The following PRDM15 variants were observed in gnomAD, a reference collection of about 807,000 sequenced individuals.
PRDM15 encodes the protein PR domain zinc finger protein 15.
A neutral mutation model predicts 128.6 loss-of-function variants in PRDM15; 64 were observed. The ratio of observed to expected loss-of-function variants is 0.50; its 90% CI spans 0.41 to 0.61. PRDM15 has a LOEUF of 0.61. PRDM15 is among the 20% of genes least tolerant of loss of function. The pLI is 0.00. For missense variants in PRDM15, 1,242 were observed against 1,569.1 expected, an observed-to-expected ratio of 0.79 and a Z score of 3.52; for synonymous variants, 615 against 621.8, an observed-to-expected ratio of 0.99 and a Z score of 0.16.
At position 41,879,180 on chromosome 21, in the gene PRDM15, G is replaced by A. The variant is rs1424207284; in HGVS notation, c.-10+90C>T. On this transcript the variant is annotated intron_variant, in intron 1 of 23. Transcript: ENST00000398548. This position sits in a 1 kb window ranked among gnomAD's most constrained non-coding sequence, Gnocchi z 5.1. ...GGGCGGGGGGCAGCGGGCCCAGGGCGCGCCGGGGCTCGCGGGGGCAGCGGG... is the reference window on the plus strand; with the variant it reads ...GGGCGGGGGGCAGCGGGCCCAGGGCACGCCGGGGCTCGCGGGGGCAGCGGG... 14 of 846,412 alleles carry A rather than the reference G, an allele frequency of 1.7e-5. No individual in the cohort carries two copies. The highest frequency in any genetic ancestry group is 1.8e-5 in the Non-Finnish European group (13 of 704,388). The allele number at this position is 846,412 out of a possible 1,614,324, so 52.4% of individuals were successfully genotyped here.
chr21:41,852,740 G>A (rs933425512), intron 5 of PRDM15, among the ~76,000 whole-genome samples: 5 of 152,188 alleles, frequency 3.3e-5, no homozygotes, highest in Admixed American at 2.0e-4. Context: ...ACCCTCCCCA[G>A]CAGCATCCCC....
At chr21:41,866,657 T>C (rs1442264158) in intron 1 of PRDM15, among the ~76,000 whole-genome samples, 1 of 152,256 alleles carries the variant, frequency 6.6e-6, no homozygotes, top group Non-Finnish European at 1.5e-5. Context: ...AAGACCATCT[T>C]ATCAGCTCAA....
intron 2 of PRDM15, 90 bp downstream of exon 2, chr21:41,860,237 G>T: frequency 1.1e-6 from 1 of 919,720 alleles, no homozygotes; most frequent in Non-Finnish European, 1.7e-6. Flanking sequence ...ATGTAGACGT[G>T]GCTTTGCCCA....
chr21:41,855,653 T>A (rs751340147), intron 4 of PRDM15, among the ~76,000 whole-genome samples: 3 of 152,128 alleles, frequency 2.0e-5, no homozygotes, highest in Non-Finnish European at 4.4e-5. Context: ...TGAACGCTGG[T>A]GCATGCACTG....
chr21:41,808,802 G>T (rs769224530), intron 21 of PRDM15, among the ~76,000 whole-genome samples: 1 of 152,232 alleles, frequency 6.6e-6, no homozygotes, highest in Non-Finnish European at 1.5e-5. Flanking sequence ...GTGTAAGCAT[G>T]TGTGTCAGGC....
chr21:41,836,576 G>A lies in PRDM15; in HGVS notation c.1075C>T (p.Arg359Cys), dbSNP rs199833702. The A allele has an allele frequency of 3.5e-5, 57 of 1,613,314 alleles. No individual in the cohort carries two copies. Among genetic ancestry groups the A allele is most frequent in the African/African-American group, 4.0e-5 (3 of 74,740 alleles). The stretch of plus-strand genomic sequence containing the variant: ...TCCCCGAGCTGTTTGATGAGCTTGC[G>A]CCGGATGCCGTGTCTGCTTGAGAGA... ...LILSSRHGIR[R>C]KLIKQLGEHK... The change falls in exon 9 of 24, where the codon CGC becomes TGC. Residue 359 changes from arginine to cysteine, a missense_variant. Arg to Cys is a radical substitution (Grantham distance 180, BLOSUM62 -3). Around this residue, in one of 3 missense-constraint regions of PRDM15, gnomAD observed 612 missense variants for 717.0 expected, o/e 0.85. Coordinates refer to ENST00000398548, the MANE Select transcript of PRDM15 (RefSeq NM_001040424.3).
rs2061360973 is a variant in PRDM15 at position 41,799,100 on chromosome 21, A to T, written c.*2140T>A. ...GCGGTCTTACTCTAGGCACTAAAAC[A>T]ACTTCTTTAAAAAAATAAAATTGTG... On this transcript the variant is annotated 3_prime_UTR_variant, in exon 24 of 24. Transcript: ENST00000398548. 6.6e-6 allele frequency: 1 copy of T among 152,204 alleles called. No homozygotes were observed. The allele number at this position is 152,204 out of a possible 1,614,324, so 9.4% of individuals were successfully genotyped here.
chr21:41,869,760 G>A (rs1249199087), intron 1 of PRDM15, among the ~76,000 whole-genome samples: 1 of 152,214 alleles, frequency 6.6e-6, no homozygotes, highest in Non-Finnish European at 1.5e-5. Context: ...AGTCTTATAA[G>A]TATACATCTT....
rs573672122 is a variant in PRDM15 at position 41,805,658 on chromosome 21, C to A, written c.2653-1044G>T. Among the ~76,000 whole-genome samples the A allele has an allele frequency of 3.3e-5, 5 of 152,138 alleles. No homozygotes were observed. In the East Asian group the frequency reaches 9.6e-4, roughly 29 times the overall value. ...CTATACTGTGACACTCGCAAAGGACCCTGAGCAAAAGCAACCAGACTGCTG... is the reference window on the plus strand; with the variant it reads ...CTATACTGTGACACTCGCAAAGGACACTGAGCAAAAGCAACCAGACTGCTG... On this transcript the variant is annotated intron_variant, in intron 21 of 23. Transcript: ENST00000398548.
Position 41,862,126 on chromosome 21 carries a change from C to A in PRDM15, c.-9-1754G>T, listed in dbSNP as rs967051386. 9.6e-6 allele frequency: 7 copies of A among 728,922 alleles called. No homozygotes were observed. The highest frequency in any genetic ancestry group is 2.7e-5 in the East Asian group (1 of 36,974). The allele number at this position is 728,922 out of a possible 1,614,324, so 45.2% of individuals were successfully genotyped here. ...GAAACCCAGAGTGGGGTGGGGAGGG[C>A]GCACGCTTTCATGAGTTGCTGCTGT... is the stretch of plus-strand genomic sequence containing the variant. On this transcript the variant is annotated intron_variant, in intron 1 of 23. Coordinates refer to ENST00000398548, the MANE Select transcript of PRDM15 (RefSeq NM_001040424.3). This position sits in a 1 kb window ranked among gnomAD's most constrained non-coding sequence, Gnocchi z 4.1.
chr21:41,804,660 T>A, intron 21 of PRDM15, 46 bp from the exon 22 acceptor site: 1 of 1,463,834 alleles, frequency 6.8e-7, no homozygotes, highest in Non-Finnish European at 9.1e-7. Flanking sequence ...GTGCTGCTGA[T>A]GCAGGTGGGA....
chr21:41,836,583 G>A lies in PRDM15; in HGVS notation c.1068C>T (p.Gly356=), dbSNP rs1319935467. 1 of 1,613,464 alleles carries A rather than the reference G, an allele frequency of 6.2e-7. No homozygotes were observed. The highest frequency in any genetic ancestry group is 1.1e-5 in the South Asian group (1 of 91,058). Residue 356 remains glycine, a synonymous_variant, in exon 9 of 24, where the codon GGC becomes GGT. Coordinates refer to ENST00000398548, the MANE Select transcript of PRDM15 (RefSeq NM_001040424.3). The part of the protein sequence containing the change: ...KRSLILSSRH[G]IRRKLIKQLG... ...GCTGTTTGATGAGCTTGCGCCGGAT[G>A]CCGTGTCTGCTTGAGAGAATTAAGC...
rs544503187 is a variant in PRDM15 at position 41,803,736 on chromosome 21, G to C, written c.2733+798C>G. ...GGCTGGAGCCGCCGTACGTCACTCAGCCGGACCCAGTGCCCTTCATGAAGA... is the reference window on the plus strand; with the variant it reads ...GGCTGGAGCCGCCGTACGTCACTCACCCGGACCCAGTGCCCTTCATGAAGA... On this transcript the variant is annotated intron_variant, in intron 22 of 23. Coordinates refer to ENST00000398548, the MANE Select transcript of PRDM15 (RefSeq NM_001040424.3). Among the ~76,000 whole-genome samples the C allele has an allele frequency of 3.3e-5, 5 of 152,286 alleles. No individual in the cohort carries two copies. The East Asian group carries it at 9.6e-4, about 29-fold the overall frequency.
chr21:41,843,580 C>T lies in PRDM15; in HGVS notation c.640+3510G>A, dbSNP rs2063140481. Among the ~76,000 whole-genome samples the T allele has an allele frequency of 2.0e-5, 3 of 152,230 alleles. No homozygotes were observed. The South Asian group carries it at 6.2e-4, about 31-fold the overall frequency. ...AACACTCCTTTCCCAAACTCTCCTG[C>T]CCTGAATGCAGGTTTGTGCCATAGC... On this transcript the variant is annotated intron_variant, in intron 6 of 23. Coordinates refer to ENST00000398548, the MANE Select transcript of PRDM15 (RefSeq NM_001040424.3).
intron 11 of PRDM15, among the ~76,000 whole-genome samples, chr21:41,834,247 G>A (rs1384684419): frequency 6.6e-6 from 1 of 152,150 alleles, no homozygotes; most frequent in Non-Finnish European, 1.5e-5. Context: ...ACCAAACCCT[G>A]GTTTCAAATA....
intron 17 of PRDM15, 92 bp downstream of exon 17, chr21:41,820,001 GCT>G (rs2062195814): frequency 4.6e-6 from 5 of 1,083,926 alleles, no homozygotes; most frequent in South Asian, 1.3e-5. Context: ...AGGTGCGACG[GCT>G]CTGTGTGTAG....
chr21:41,872,342 A>G lies in PRDM15; in HGVS notation c.-10+6928T>C, dbSNP rs75851936. On this transcript the variant is annotated intron_variant, in intron 1 of 23. Coordinates refer to ENST00000398548, the MANE Select transcript of PRDM15 (RefSeq NM_001040424.3). The stretch of plus-strand genomic sequence containing the variant: ...GCAGATGAAGGGCTAGCTTTCTTAC[A>G]TTCTCTTCCCCTCCCCTCATTTCCC... 1.0e-2 allele frequency among the ~76,000 whole-genome samples: 1,521 copies of G among 152,194 alleles called. 20 individuals are homozygous for G. The highest frequency in any genetic ancestry group is 0.034 in the African/African-American group (1,419 of 41,510).
chr21:41,813,228 C>T (rs1427762989), intron 19 of PRDM15: 2 of 152,284 alleles, frequency 1.3e-5, no homozygotes, highest in Non-Finnish European at 2.9e-5. Context: ...GAGCATGGGA[C>T]AGAGGCCACC....
chr21:41,831,690 T>C (rs2062697606), intron 11 of PRDM15, among the ~76,000 whole-genome samples: 1 of 152,148 alleles, frequency 6.6e-6, no homozygotes, highest in African/African-American at 2.4e-5. Context: ...CTATGCCCCA[T>C]GGGTGCCACC....
Sources: allele counts gnomAD v4.1 joint callset (sites outside exome capture counted in the v4.1 genomes callset), GRCh38; gene constraint gnomAD v4.1.1; regional missense constraint gnomAD v4.1.1; non-coding constraint Gnocchi (gnomAD v3.1); transcripts MANE v1.5; gene names NCBI Gene and HGNC (gene_info 2026-07-23, HGNC 2026-07-21).